Variants in U2AF1L4 observed in about 807,000 individuals in gnomAD.
U2AF1L4 encodes U2 small nuclear RNA auxiliary factor 1 like 4.
A neutral mutation model predicts 21.7 loss-of-function variants in U2AF1L4; 21 were observed. The ratio of observed to expected loss-of-function variants is 0.97; its 90% CI spans 0.69 to 1.39. The LOEUF (loss-of-function observed/expected upper bound fraction) is 1.39. Ranked by LOEUF, U2AF1L4 falls within the 40% of genes most tolerant of loss-of-function variation. The pLI is 0.00. For missense variants in U2AF1L4, 259 were observed against 245.7 expected, an observed-to-expected ratio of 1.05 and a Z score of -0.36; for synonymous variants, 92 against 89.7, an observed-to-expected ratio of 1.03 and a Z score of -0.15.
chr19:35,743,950 C>T (rs1248664036), intron 4 of U2AF1L4, 46 bp from the exon 5 acceptor site: 2 of 1,609,084 alleles, frequency 1.2e-6, no homozygotes, highest in Non-Finnish European at 8.5e-7. Flanking sequence ...TCACTGACAG[C>T]CCCTACCACG....
Position 35,744,138 on chromosome 19 carries a change from C to T in U2AF1L4, c.239G>A (p.Arg80Lys), listed in dbSNP as rs1202315728. 10 of 1,613,682 alleles carry T rather than the reference C, an allele frequency of 6.2e-6. No individual in the cohort carries two copies. Among genetic ancestry groups the T allele is most frequent in the Admixed American group, 1.7e-5 (1 of 59,990 alleles). Residue 80 changes from arginine to lysine, a missense_variant, in exon 4 of 6, where the codon AGG becomes AAG. Transcript: ENST00000378975. ...LVGNVYVKFR[R>K]EEDGERAVAE... Reference sequence around the variant, plus strand: ...CACGGCCCGCTCTCCATCCTCCTCCCTCCGGAACTGCAGGAAATGTCAGTC... The same window carrying T: ...CACGGCCCGCTCTCCATCCTCCTCCTTCCGGAACTGCAGGAAATGTCAGTC...
intron 5 of U2AF1L4, 108 bp downstream of exon 5, chr19:35,743,701 A>AC: frequency 1.0e-6 from 1 of 967,194 alleles, no homozygotes; most frequent in Admixed American, 2.4e-5. Context: ...AAAAAAAAAA[A>AC]AAAAAAAGAT....
intron 5 of U2AF1L4, chr19:35,743,559 G>C: frequency 2.0e-6 from 1 of 506,994 alleles, no homozygotes; most frequent in Middle Eastern, 5.4e-4. Context: ...ATGGTGGCAG[G>C]TGCCTGTAAT....
At position 35,744,100 on chromosome 19, in the gene U2AF1L4, T is replaced by C. The variant is rs1472138111; in HGVS notation, c.277A>G (p.Asn93Asp). The part of the protein sequence containing the change: ...DGERAVAELS[N>D]RWFNGQAVHG... ...ACAGCCTGCCCGTTGAACCAGCGGT[T>C]ACTGAGTTCAGCCACGGCCCGCTCT... The change falls in exon 4 of 6, where the codon AAC becomes GAC. Residue 93 changes from asparagine (N) to aspartate (D), a missense_variant. By Grantham distance (23) the Asn-to-Asp change is conservative. Transcript: ENST00000378975. 3 of 1,613,894 alleles carry C rather than the reference T, an allele frequency of 1.9e-6. No homozygotes were observed. In the South Asian group the frequency reaches 3.3e-5, roughly 18 times the overall value.
At position 35,744,026 on chromosome 19, in the gene U2AF1L4, G is replaced by A; in HGVS notation, c.351C>T (p.Arg117=). 1.2e-6 allele frequency: 2 copies of A among 1,613,918 alleles called. No individual in the cohort carries two copies. Among genetic ancestry groups the A allele is most frequent in the Non-Finnish European group, 1.7e-6 (2 of 1,180,008 alleles). The change falls in exon 4 of 6, where the codon CGC becomes CGT. Residue 117 remains arginine, a synonymous_variant. Coordinates refer to ENST00000378975, the MANE Select transcript of U2AF1L4 (RefSeq NM_001040425.3). The part of the protein sequence containing the change: ...PVTDFRESCC[R]QYEMGECTRG... ...AACTACCATACCCCATCTCATACTGGCGACAGCATGACTCCCGGAAGTCAG... is the reference window on the plus strand; with the variant it reads ...AACTACCATACCCCATCTCATACTGACGACAGCATGACTCCCGGAAGTCAG...
chr19:35,743,926 G>A, intron 4 of U2AF1L4, 22 bp from the exon 5 acceptor site: 6 of 1,610,286 alleles, frequency 3.7e-6, no homozygotes, highest in Non-Finnish European at 4.2e-6. Flanking sequence ...GTAGAGAGAT[G>A]GAGGAAGCCA....
At chr19:35,743,055 T>C in intron 5 of U2AF1L4, 1 of 569,148 alleles carries the variant, frequency 1.8e-6, no homozygotes. Context: ...CAGATGGAGC[T>C]CAGAACTACT....
At position 35,744,078 on chromosome 19, in the gene U2AF1L4, G is replaced by C; in HGVS notation, c.299C>G (p.Ala100Gly). 6.2e-7 allele frequency: 1 copy of C among 1,614,034 alleles called. No individual in the cohort carries two copies. ...GACAGGAGACAGCTCACCGTGCACAGCCTGCCCGTTGAACCAGCGGTTACT... is the reference window on the plus strand; with the variant it reads ...GACAGGAGACAGCTCACCGTGCACACCCTGCCCGTTGAACCAGCGGTTACT... ...ELSNRWFNGQ[A>G]VHGELSPVTD... Residue 100 changes from alanine to glycine, a missense_variant, in exon 4 of 6, where the codon GCT becomes GGT. By Grantham distance (60) the Ala-to-Gly change is moderately conservative. Transcript: ENST00000378975.
chr19:35,745,352 C>T lies in U2AF1L4; in HGVS notation c.40G>A (p.Asp14Asn). 2 of 1,611,454 alleles carry T rather than the reference C, an allele frequency of 1.2e-6. No homozygotes were observed. Among genetic ancestry groups the T allele is most frequent in the Non-Finnish European group, 1.7e-6 (2 of 1,178,910 alleles). ...YLASIFGTEK[D>N]KVNCSFYFKI... ...ACTCCCAGCGCCCGTTCTCACTTGT[C>T]CTTCTCAGTCCCGAATATCGAAGCT... The change falls in exon 1 of 6, where the codon GAC (aspartate) becomes AAC (asparagine). Residue 14 changes from aspartate (D) to asparagine (N), a missense_variant. Physicochemically the swap from Asp to Asn is conservative, Grantham distance 23. Coordinates refer to ENST00000378975, the MANE Select transcript of U2AF1L4 (RefSeq NM_001040425.3).
At position 35,744,115 on chromosome 19, in the gene U2AF1L4, C is replaced by A; in HGVS notation, c.262G>T (p.Val88Leu). ...AACCAGCGGTTACTGAGTTCAGCCACGGCCCGCTCTCCATCCTCCTCCCTC... is the reference window on the plus strand; with the variant it reads ...AACCAGCGGTTACTGAGTTCAGCCAAGGCCCGCTCTCCATCCTCCTCCCTC... ...FRREEDGERA[V>L]AELSNRWFNG... Residue 88 changes from valine (V) to leucine (L), a missense_variant, in exon 4 of 6, where the codon GTG becomes TTG. By Grantham distance (32) the Val-to-Leu change is conservative (BLOSUM62 1). Transcript: ENST00000378975. 1.2e-6 allele frequency: 2 copies of A among 1,613,980 alleles called. No homozygotes were observed. The highest frequency in any genetic ancestry group is 1.7e-6 in the Non-Finnish European group (2 of 1,180,014).
rs1371059987 is a variant in U2AF1L4 at position 35,742,746 on chromosome 19, G to A, written c.519C>T (p.Ser173=). The change falls in exon 6 of 6, where the codon TCC becomes TCT. Residue 173 remains serine (S), a synonymous_variant. Transcript: ENST00000378975. The part of the protein sequence containing the change: ...HHPRERNHRC[S]PDHWHGRF Reference sequence around the variant, plus strand: ...AGAAGCGGCCATGCCAGTGATCAGGGGAACACCGATGGTTCCTCTCTCGGG... The same window carrying A: ...AGAAGCGGCCATGCCAGTGATCAGGAGAACACCGATGGTTCCTCTCTCGGG... The A allele has an allele frequency of 3.1e-6, 5 of 1,611,006 alleles. No individual in the cohort carries two copies. The highest frequency in any genetic ancestry group is 3.4e-5 in the Admixed American group (2 of 59,190).
At chr19:35,743,532 A>C (rs1483373289) in intron 5 of U2AF1L4, 11 of 451,496 alleles carry the variant, frequency 2.4e-5, no homozygotes, top group Admixed American at 6.9e-5. Flanking sequence ...TACTAAAAAC[A>C]CAAAAATTAG....
In U2AF1L4 at chr19:35,742,547, G is replaced by A. The variant is rs781411188; in HGVS notation, c.*172C>T. 5.6e-6 allele frequency: 9 copies of A among 1,612,576 alleles called. No individual in the cohort carries two copies. The highest frequency in any genetic ancestry group is 5.5e-5 in the South Asian group (5 of 91,030). ...GCAAGTTGATGCCGAAGTGAAACACGCAGCTTTATTAAGACAGGGGCGGTA... is the reference window on the plus strand; with the variant it reads ...GCAAGTTGATGCCGAAGTGAAACACACAGCTTTATTAAGACAGGGGCGGTA... On this transcript the variant is annotated 3_prime_UTR_variant, in exon 6 of 6. Transcript: ENST00000378975.
In U2AF1L4 at chr19:35,745,340, G is replaced by T. The variant is rs773472821; in HGVS notation, c.44+8C>A. On this transcript the variant is annotated splice_region_variant and intron_variant, in intron 1 of 5. Transcript: ENST00000378975. ...CCCCGAGAGTCCACTCCCAGCGCCC[G>T]TTCTCACTTGTCCTTCTCAGTCCCG... is the stretch of plus-strand genomic sequence containing the variant. 1.4e-5 allele frequency: 21 copies of T among 1,491,386 alleles called. No homozygotes were observed. In the East Asian group the frequency reaches 5.4e-4, roughly 38 times the overall value. 92.4% of individuals were successfully genotyped at this position (1,491,386 alleles called of 1,614,324 possible).
chr19:35,743,499 C>T (rs990244624), intron 5 of U2AF1L4: 5 of 382,104 alleles, frequency 1.3e-5, no homozygotes, highest in Middle Eastern at 8.3e-4. Context: ...ACCAGCCTGG[C>T]CAAGATGGTG....
chr19:35,743,171 G>A (rs1970350564), intron 5 of U2AF1L4: 1 of 307,992 alleles, frequency 3.2e-6, no homozygotes, highest in South Asian at 3.0e-5. Flanking sequence ...TCCGGAGTTC[G>A]AGACCAGGCT....
At chr19:35,745,036 C>A (rs942917603) in intron 2 of U2AF1L4, 89 bp downstream of exon 2, 16 of 1,344,262 alleles carry the variant, frequency 1.2e-5, no homozygotes, top group African/African-American at 2.9e-5. Context: ...GACTCAGGAA[C>A]CCGGAATAGG....
chr19:35,743,491 C>T (rs1329534923), intron 5 of U2AF1L4: 1 of 366,448 alleles, frequency 2.7e-6, no homozygotes, highest in South Asian at 2.4e-5. Flanking sequence ...GAGTTCAGAC[C>T]AGCCTGGCCA....
In U2AF1L4 at chr19:35,742,799, G is replaced by T. The variant is rs1213661084; in HGVS notation, c.466C>A (p.Pro156Thr). The part of the protein sequence containing the change: ...LYGRGPRRRS[P>T]PRFHTGHHPR... ...TGGTGGCCAGTATGGAACCTCGGGGGTGACCTGGGAATAGGAGCGTTGAGA... is the reference window on the plus strand; with the variant it reads ...TGGTGGCCAGTATGGAACCTCGGGGTTGACCTGGGAATAGGAGCGTTGAGA... The change falls in exon 6 of 6, where the codon CCC (proline) becomes ACC (threonine). Residue 156 changes from proline to threonine, a missense_variant. Coordinates refer to ENST00000378975, the MANE Select transcript of U2AF1L4 (RefSeq NM_001040425.3). The T allele has an allele frequency of 6.2e-7, 1 of 1,610,558 alleles. No homozygotes were observed. Among genetic ancestry groups the T allele is most frequent in the African/African-American group, 1.3e-5 (1 of 74,964 alleles).
Sources: gnomAD v4.1 joint callset for allele counts on GRCh38, gnomAD v4.1.1 for gene constraint, MANE v1.5 for transcripts, NCBI Gene and HGNC (gene_info 2026-07-23, HGNC 2026-07-21) for gene names.